The following PAPPA2 variants were observed in gnomAD, a reference collection of about 807,000 sequenced individuals.
PAPPA2 encodes pappalysin 2.
Under a neutral mutation model 176.4 loss-of-function variants are expected in PAPPA2, and 86 were observed. The ratio of observed to expected loss-of-function variants is 0.49; its 90% CI spans 0.41 to 0.58. PAPPA2 has a LOEUF of 0.58. Ranked by LOEUF, PAPPA2 falls within the 20% of genes least tolerant of loss-of-function variation. The pLI, the probability that PAPPA2 is intolerant of heterozygous loss-of-function variation, is 0.00. For synonymous variants in PAPPA2, 809 were observed against 852.2 expected (o/e 0.95, Z 0.88); for missense variants, 2,073 against 2,256.9 (o/e 0.92, Z 1.65).
intron 3 of PAPPA2, among the ~76,000 whole-genome samples, chr1:176,652,437 A>G (rs532230641): frequency 6.6e-6 from 1 of 151,730 alleles, no homozygotes; most frequent in Non-Finnish European, 1.5e-5. Context: ...TCTAGTAAAC[A>G]ATCAGAGTGT....
At position 176,557,010 on chromosome 1, in the gene PAPPA2, A is replaced by G. The variant is rs1346912905; in HGVS notation, c.688A>G (p.Arg230Gly). Residue 230 changes from arginine (R) to glycine (G), a missense_variant, in exon 2 of 23, where the codon AGG becomes GGG. By Grantham distance (125) the Arg-to-Gly change is moderately radical (BLOSUM62 -2). Coordinates refer to ENST00000367662, the MANE Select transcript of PAPPA2 (RefSeq NM_020318.3). The part of the protein sequence containing the change: ...QPWPKHSLKH[R>G]VKKSPPEESN... Reference sequence around the variant, plus strand: ...TTGGCCCAAGCATTCCCTTAAACACAGGGTCAAAAAGAGTCCACCGGAGGA... The same window carrying G: ...TTGGCCCAAGCATTCCCTTAAACACGGGGTCAAAAAGAGTCCACCGGAGGA... 2 of 1,613,780 alleles carry G rather than the reference A, an allele frequency of 1.2e-6. No individual in the cohort carries two copies. Among genetic ancestry groups the G allele is most frequent in the Admixed American group, 3.3e-5 (2 of 59,968 alleles).
intron 14 of PAPPA2, among the ~76,000 whole-genome samples, chr1:176,759,560 G>C (rs2102898423): frequency 6.6e-6 from 1 of 152,246 alleles, no homozygotes; most frequent in East Asian, 1.9e-4. Flanking sequence ...CTTTCAGGGT[G>C]GCTCAGAACC....
chr1:176,765,691 C>G lies in PAPPA2; in HGVS notation c.4177C>G (p.Gln1393Glu). ...CTGTATCCATCGGCCCTGTGGGAAG[C>G]AGGACAGCTGTCCGTCATTGCTGCT... Reference protein sequence around the residue: ...QSCIHRPCGKQDSCPSLLLDH... With the variant: ...QSCIHRPCGKEDSCPSLLLDH... Residue 1393 changes from glutamine to glutamate, a missense_variant, in exon 15 of 23, where the codon CAG becomes GAG. Physicochemically the swap from Gln to Glu is conservative, Grantham distance 29. Transcript: ENST00000367662. 6.2e-7 allele frequency: 1 copy of G among 1,614,048 alleles called. No individual in the cohort carries two copies. The highest frequency in any genetic ancestry group is 8.5e-7 in the Non-Finnish European group (1 of 1,179,986).
At chr1:176,809,927 C>T (rs1422365759) in intron 21 of PAPPA2, among the ~76,000 whole-genome samples, 1 of 149,314 alleles carries the variant, frequency 6.7e-6, no homozygotes, top group African/African-American at 2.5e-5. Flanking sequence ...GGAGTTTTGT[C>T]TCCTTATTTT....
chr1:176,791,545 A>AT (rs1425539989), intron 19 of PAPPA2, 63 bp downstream of exon 19: 28 of 1,529,182 alleles, frequency 1.8e-5, no homozygotes, highest in African/African-American at 4.2e-5. Flanking sequence ...GCACAGCTGA[A>AT]TTTTTTTTAA....
intron 14 of PAPPA2, among the ~76,000 whole-genome samples, chr1:176,743,394 A>T (rs1662771357): frequency 1.3e-5 from 2 of 152,114 alleles, no homozygotes; most frequent in South Asian, 4.1e-4. Context: ...AGCTTATTCT[A>T]CTGATCATGA....
intron 1 of PAPPA2, among the ~76,000 whole-genome samples, chr1:176,513,409 A>G (rs1363081803): frequency 6.6e-6 from 1 of 151,178 alleles, no homozygotes; most frequent in East Asian, 2.0e-4. Context: ...TTCTTTCTTA[A>G]ATTGTTTCAA....
chr1:176,791,617 AG>A, intron 19 of PAPPA2, 135 bp downstream of exon 19: 1 of 1,019,012 alleles, frequency 9.8e-7, no homozygotes, highest in Non-Finnish European at 1.4e-6. Flanking sequence ...GCAGTGGCAC[AG>A]TCTCAGCTCA....
intron 21 of PAPPA2, among the ~76,000 whole-genome samples, chr1:176,826,219 A>G (rs1271807240): frequency 6.6e-6 from 1 of 152,250 alleles, no homozygotes; most frequent in East Asian, 1.9e-4. Context: ...TGACTTTTAG[A>G]AAATACAACT....
intron 21 of PAPPA2, among the ~76,000 whole-genome samples, chr1:176,826,824 A>G (rs1666879421): frequency 1.3e-5 from 2 of 152,134 alleles, no homozygotes; most frequent in South Asian, 4.1e-4. Flanking sequence ...GCCCCTCTAG[A>G]CCTGTGTTTA....
intron 3 of PAPPA2, among the ~76,000 whole-genome samples, chr1:176,670,535 A>G (rs943410839): frequency 6.6e-6 from 1 of 152,146 alleles, no homozygotes; most frequent in Admixed American, 6.5e-5. Flanking sequence ...GTAGGCATAT[A>G]CTGGAAAAGA....
chr1:176,642,271 G>A (rs1657142163), intron 3 of PAPPA2, among the ~76,000 whole-genome samples: 1 of 151,838 alleles, frequency 6.6e-6, no homozygotes, highest in African/African-American at 2.4e-5. Context: ...AACAATAATT[G>A]CAAAGGATAC....
chr1:176,821,949 G>T (rs1406781106), intron 21 of PAPPA2, among the ~76,000 whole-genome samples: 1 of 152,170 alleles, frequency 6.6e-6, no homozygotes, highest in Non-Finnish European at 1.5e-5. Context: ...TCCAGTCCTA[G>T]CATCAGGTTT....
At chr1:176,747,103 A>C (rs544270582) in intron 14 of PAPPA2, among the ~76,000 whole-genome samples, 1 of 152,326 alleles carries the variant, frequency 6.6e-6, no homozygotes, top group Admixed American at 6.5e-5. Flanking sequence ...CTATTATATA[A>C]ATGGTGAACT....
intron 3 of PAPPA2, among the ~76,000 whole-genome samples, chr1:176,632,907 GAGA>G (rs991164756): frequency 2.2e-4 from 33 of 152,150 alleles, no homozygotes; most frequent in African/African-American, 7.5e-4. Flanking sequence ...GGGAGAGGAG[GAGA>G]AGGAGAGGAG....
chr1:176,504,394 C>A (rs1648133161), intron 1 of PAPPA2, among the ~76,000 whole-genome samples: 1 of 152,032 alleles, frequency 6.6e-6, no homozygotes, highest in South Asian at 2.1e-4. Flanking sequence ...TAAATATATT[C>A]TGTTCTTTAC....
chr1:176,799,940 T>A lies in PAPPA2; in HGVS notation c.5131-121T>A, dbSNP rs577997695. The A allele has an allele frequency of 2.0e-5, 20 of 977,724 alleles. No individual in the cohort carries two copies. The African/African-American group carries it at 3.1e-4, about 15-fold the overall frequency. The allele number at this position is 977,724 out of a possible 1,614,324, so 60.6% of individuals were successfully genotyped here. A position where few individuals can be genotyped will look rare whatever the true frequency, so the allele number is the denominator to read the frequency against. ...CCCCAATCCACTTTATGGGACACAA[T>A]TAGAAACTAGCTGCTTGAGAAATGG... On this transcript the variant is annotated intron_variant, in intron 20 of 22. Transcript: ENST00000367662.
chr1:176,512,094 A>C (rs142992159), intron 1 of PAPPA2, among the ~76,000 whole-genome samples: 6,457 of 152,146 alleles, frequency 0.042, 186 homozygotes, highest in Non-Finnish European at 0.064. Flanking sequence ...AAAATATTTC[A>C]TATCATTTTT....
intron 1 of PAPPA2, among the ~76,000 whole-genome samples, chr1:176,538,153 C>G (rs1180500495): frequency 1.3e-5 from 2 of 152,102 alleles, no homozygotes; most frequent in Non-Finnish European, 2.9e-5. Flanking sequence ...CCATTTCATT[C>G]CGTTCATACA....
Sources: gnomAD v4.1 joint callset for allele counts (sites outside exome capture counted in the v4.1 genomes callset) on GRCh38, gnomAD v4.1.1 for gene constraint, MANE v1.5 for transcripts, NCBI Gene and HGNC (gene_info 2026-07-23, HGNC 2026-07-21) for gene names.